CYB5R4: variants seen among roughly 807,000 people sequenced by gnomAD.
The protein encoded by CYB5R4 is cytochrome b5 reductase 4.
A neutral mutation model predicts 70.2 loss-of-function variants in CYB5R4; 55 were observed. The ratio of observed to expected loss-of-function variants is 0.78; its 90% CI spans 0.63 to 0.98. CYB5R4 has a LOEUF of 0.98. Ranked by LOEUF, CYB5R4 falls within the 50% of genes least tolerant of loss-of-function variation. The pLI is 0.00. For missense variants in CYB5R4, 562 were observed against 612.6 expected, an observed-to-expected ratio of 0.92 and a Z score of 0.87; for synonymous variants, 197 against 199.5, an observed-to-expected ratio of 0.99 and a Z score of 0.11.
chr6:83,959,178 C>A (rs1467957445), intron 15 of CYB5R4, among the ~76,000 whole-genome samples: 1 of 152,052 alleles, frequency 6.6e-6, no homozygotes, highest in Non-Finnish European at 1.5e-5. Context: ...AGAATATCAC[C>A]AATTGCAGTG....
chr6:83,877,438 A>T (rs1197855241), intron 2 of CYB5R4, among the ~76,000 whole-genome samples: 1 of 151,474 alleles, frequency 6.6e-6, no homozygotes, highest in East Asian at 2.0e-4. Flanking sequence ...GTGATTCTTG[A>T]TGGCTTGAAA....
chr6:83,918,650 T>C (rs2099465881), intron 6 of CYB5R4, among the ~76,000 whole-genome samples: 1 of 152,074 alleles, frequency 6.6e-6, no homozygotes, highest in South Asian at 2.1e-4. Context: ...CTTCAAAATA[T>C]ATTGCCCAAT....
At chr6:83,864,601 G>T (rs2099456459) in intron 2 of CYB5R4, among the ~76,000 whole-genome samples, 1 of 152,184 alleles carries the variant, frequency 6.6e-6, no homozygotes, top group African/African-American at 2.4e-5. Context: ...ACAAGCATTT[G>T]CCAGGCAATA....
chr6:83,936,222 A>G lies in CYB5R4; in HGVS notation c.956-2A>G, dbSNP rs898381227. 2 of 1,510,992 alleles carry G rather than the reference A, an allele frequency of 1.3e-6. No homozygotes were observed. Among genetic ancestry groups the G allele is most frequent in the South Asian group, 1.3e-5 (1 of 76,432 alleles). 93.6% of individuals were successfully genotyped at this position (1,510,992 alleles called of 1,614,324 possible). The stretch of plus-strand genomic sequence containing the variant: ...TTATTTTGCTGTGATTTTTTTTTCT[A>G]GGTACAGAAATAGTAAAGCCATATA... On this transcript the variant is annotated splice_acceptor_variant, in intron 11 of 15. Coordinates refer to ENST00000369681, the MANE Select transcript of CYB5R4 (RefSeq NM_016230.4). LOFTEE classifies it high-confidence loss of function.
At position 83,964,177 on chromosome 6, in the gene CYB5R4, G is replaced by A. The variant is rs752899062; in HGVS notation, c.*4299G>A. On this transcript the variant is annotated 3_prime_UTR_variant, in exon 16 of 16. Transcript: ENST00000369681. ...TGCAAAGATACCGGGAAATGTGGAAGCAACTTTGGAACTTGGTAACAGGCA... is the reference window on the plus strand; with the variant it reads ...TGCAAAGATACCGGGAAATGTGGAAACAACTTTGGAACTTGGTAACAGGCA... 45 of 156,120 alleles carry A rather than the reference G, an allele frequency of 2.9e-4. No individual in the cohort carries two copies. Among genetic ancestry groups the A allele is most frequent in the Non-Finnish European group, 5.5e-4 (39 of 70,978 alleles). 9.7% of individuals were successfully genotyped at this position (156,120 alleles called of 1,614,324 possible). A position where few individuals can be genotyped will look rare whatever the true frequency, so the allele number is the denominator to read the frequency against.
chr6:83,880,369 G>C (rs1259805659), intron 2 of CYB5R4, among the ~76,000 whole-genome samples: 1 of 152,098 alleles, frequency 6.6e-6, no homozygotes, highest in Non-Finnish European at 1.5e-5. Flanking sequence ...TTGCCATCCA[G>C]GTGACTAACA....
intron 15 of CYB5R4, 150 bp downstream of exon 15, chr6:83,955,612 T>C (rs1298953057): frequency 6.5e-6 from 5 of 769,324 alleles, no homozygotes; most frequent in Non-Finnish European, 7.7e-6. Context: ...AATCTTCGTA[T>C]AGTTTGAGTT....
At chr6:83,910,683 A>G (rs890701001) in intron 4 of CYB5R4, among the ~76,000 whole-genome samples, 3 of 152,238 alleles carry the variant, frequency 2.0e-5, no homozygotes, top group African/African-American at 7.2e-5. Context: ...GTGATTCCAG[A>G]TAAGAAAGGA....
At chr6:83,887,017 A>G (rs188961216) in intron 2 of CYB5R4, among the ~76,000 whole-genome samples, 11 of 152,326 alleles carry the variant, frequency 7.2e-5, no homozygotes, top group Admixed American at 5.9e-4. Flanking sequence ...GGATGCCCAC[A>G]GTCTTTATCA....
At chr6:83,921,389 A>G (rs940916007) in intron 8 of CYB5R4, among the ~76,000 whole-genome samples, 1 of 152,232 alleles carries the variant, frequency 6.6e-6, no homozygotes, top group African/African-American at 2.4e-5. Flanking sequence ...AAGCAATTAG[A>G]TGCAATCAAA....
chr6:83,932,132 C>A lies in CYB5R4; in HGVS notation c.815-2463C>A, dbSNP rs1015690384. On this transcript the variant is annotated intron_variant, in intron 10 of 15. Coordinates refer to ENST00000369681, the MANE Select transcript of CYB5R4 (RefSeq NM_016230.4). The stretch of plus-strand genomic sequence containing the variant: ...TTATCTTATATACTGCAGTTCCCAT[C>A]TGTCTGTGCTTTCTCCTTGATGCAA... 3.9e-5 allele frequency among the ~76,000 whole-genome samples: 6 copies of A among 152,252 alleles called. No homozygotes were observed. The East Asian group carries it at 1.2e-3, about 29-fold the overall frequency.
chr6:83,956,370 TTGG>T (rs2099472428), intron 15 of CYB5R4, among the ~76,000 whole-genome samples: 2 of 152,068 alleles, frequency 1.3e-5, no homozygotes, highest in South Asian at 2.1e-4. Context: ...CAAAGCTGGA[TTGG>T]GGGGGGCACG....
chr6:83,874,576 A>G (rs896105208), intron 2 of CYB5R4, among the ~76,000 whole-genome samples: 1 of 147,188 alleles, frequency 6.8e-6, no homozygotes, highest in Non-Finnish European at 1.5e-5. Flanking sequence ...AGTCCTTTCC[A>G]GCCTTTTTTA....
At chr6:83,875,716 T>C (rs1321164727) in intron 2 of CYB5R4, among the ~76,000 whole-genome samples, 1 of 152,210 alleles carries the variant, frequency 6.6e-6, no homozygotes, top group East Asian at 1.9e-4. Context: ...TGTGGAGATG[T>C]GCTCTGCTAC....
At chr6:83,870,217 T>G (rs554374539) in intron 2 of CYB5R4, among the ~76,000 whole-genome samples, 4 of 152,334 alleles carry the variant, frequency 2.6e-5, no homozygotes, top group African/African-American at 7.2e-5. Flanking sequence ...ATTCAGTGTT[T>G]GCAGCATACA....
rs191378325 is a variant in CYB5R4 at position 83,962,296 on chromosome 6, G to A, written c.*2418G>A. The A allele has an allele frequency of 6.6e-6, 1 of 152,214 alleles. No homozygotes were observed. The highest frequency in any genetic ancestry group is 6.5e-5 in the Admixed American group (1 of 15,288). 9.4% of individuals were successfully genotyped at this position (152,214 alleles called of 1,614,324 possible). ...TCATTCTCCATTCCAGGGTATTCTA[G>A]AAGGACTTGGAGGAAAAAATCCCCT... On this transcript the variant is annotated 3_prime_UTR_variant, in exon 16 of 16. Transcript: ENST00000369681.
chr6:83,963,661 G>A lies in CYB5R4; in HGVS notation c.*3783G>A, dbSNP rs974850646. ...ATTCAAAAATGAGTTTACTTTCTTTGTTAAAGTTCTCTTTTGATGCATATC... is the reference window on the plus strand; with the variant it reads ...ATTCAAAAATGAGTTTACTTTCTTTATTAAAGTTCTCTTTTGATGCATATC... On this transcript the variant is annotated 3_prime_UTR_variant, in exon 16 of 16. Transcript: ENST00000369681. 1 of 152,076 alleles carries A rather than the reference G, an allele frequency of 6.6e-6. No individual in the cohort carries two copies. Among genetic ancestry groups the A allele is most frequent in the Non-Finnish European group, 1.5e-5 (1 of 68,016 alleles). 9.4% of individuals were successfully genotyped at this position (152,076 alleles called of 1,614,324 possible).
At chr6:83,914,277 G>A in intron 4 of CYB5R4, 139 bp from the exon 5 acceptor site, 2 of 858,738 alleles carry the variant, frequency 2.3e-6, no homozygotes, top group East Asian at 7.1e-5. Flanking sequence ...TTCTATATTG[G>A]CCTGTTTCTC....
At chr6:83,884,323 A>G (rs1376180928) in intron 2 of CYB5R4, among the ~76,000 whole-genome samples, 1 of 152,078 alleles carries the variant, frequency 6.6e-6, no homozygotes. Context: ...CAAATAGGCT[A>G]AACGTAAATG....
Sources: gnomAD v4.1 joint callset for allele counts (sites outside exome capture counted in the v4.1 genomes callset) on GRCh38, gnomAD v4.1.1 for gene constraint, MANE v1.5 for transcripts, NCBI Gene and HGNC (gene_info 2026-07-23, HGNC 2026-07-21) for gene names.